The following LMX1A variants were observed in gnomAD, a reference collection of about 807,000 sequenced individuals.
LMX1A encodes LIM homeobox transcription factor 1-alpha.
In LMX1A, 15 loss-of-function variants were observed where a neutral mutation model predicts 49.1. That is an observed-to-expected ratio of 0.31 (90% CI 0.20 to 0.47). The LOEUF is 0.47. Ranked by LOEUF, LMX1A falls within the 20% of genes least tolerant of loss-of-function variation. The probability of loss-of-function intolerance (pLI) is 1.00; values close to 1 mark genes in which losing one functional copy is unlikely to be tolerated. For synonymous variants in LMX1A, 167 were observed against 185.7 expected (o/e 0.90, Z 0.82); for missense variants, 372 against 475.8 (o/e 0.78, Z 2.03).
At position 165,262,363 on chromosome 1, in the gene LMX1A, G is replaced by C. The variant is rs1161585405; in HGVS notation, c.264-12723C>G. ...GATAAAACAGCTATCTTGGAACTAA[G>C]AGAATGAAAGCTACCTGTTAAGAAT... On this transcript the variant is annotated intron_variant, in intron 3 of 8. Coordinates refer to ENST00000342310, the MANE Select transcript of LMX1A (RefSeq NM_177398.4). Among the ~76,000 whole-genome samples, 7 of 152,190 alleles carry C rather than the reference G, an allele frequency of 4.6e-5. No homozygotes were observed. In the East Asian group the frequency reaches 1.3e-3, roughly 29 times the overall value.
At chr1:165,220,755 T>G (rs892854196) in intron 4 of LMX1A, among the ~76,000 whole-genome samples, 1 of 152,106 alleles carries the variant, frequency 6.6e-6, no homozygotes, top group African/African-American at 2.4e-5. Context: ...TGTCTCCCAT[T>G]AATTACTAAT....
In LMX1A at chr1:165,243,267, T is replaced by TA. The variant is rs1293988857; in HGVS notation, c.496+6140dup. Among the ~76,000 whole-genome samples, 3 of 152,318 alleles carry TA rather than the reference T, an allele frequency of 2.0e-5. No homozygotes were observed. The East Asian group carries it at 5.8e-4, about 29-fold the overall frequency. ...GACACTCTCAGACGACTTCTGATTT[T>TA]AAAAGAAAATGTAAAGATAAGAGGG... On this transcript the variant is annotated intron_variant, in intron 4 of 8. Transcript: ENST00000342310.
At chr1:165,264,418 TCG>T (rs1017294948) in intron 3 of LMX1A, among the ~76,000 whole-genome samples, 7 of 146,950 alleles carry the variant, frequency 4.8e-5, no homozygotes, top group Admixed American at 3.4e-4. Flanking sequence ...ATGCATATGC[TCG>T]CACACACACA....
chr1:165,276,628 A>G (rs958333770), intron 3 of LMX1A, among the ~76,000 whole-genome samples: 5 of 151,840 alleles, frequency 3.3e-5, no homozygotes, highest in Admixed American at 3.3e-4. Context: ...AGACAGTGCT[A>G]TACTACATGA....
chr1:165,305,476 T>C (rs185374905), intron 3 of LMX1A, among the ~76,000 whole-genome samples: 1 of 152,128 alleles, frequency 6.6e-6, no homozygotes, highest in African/African-American at 2.4e-5. Flanking sequence ...AAGGACCCAG[T>C]AGGCCAAATA....
At chr1:165,272,606 G>A (rs1459767423) in intron 3 of LMX1A, among the ~76,000 whole-genome samples, 2 of 152,174 alleles carry the variant, frequency 1.3e-5, no homozygotes, top group Admixed American at 1.3e-4. Flanking sequence ...GGCTGTGGGG[G>A]CAGGGAGAGA....
In LMX1A at chr1:165,276,661, CAA is replaced by C. The variant is rs5778437; in HGVS notation, c.264-27023_264-27022del. The stretch of plus-strand genomic sequence containing the variant: ...TGATGCAGTGTTTGTAAAGAAAAGT[CAA>C]AAAAAAAAAAAATTAAGTGTGGCTG... On this transcript the variant is annotated intron_variant, in intron 3 of 8. Transcript: ENST00000342310. Among the ~76,000 whole-genome samples, 711 of 72,854 alleles carry C rather than the reference CAA, an allele frequency of 9.8e-3. 9 individuals are homozygous for C. The highest frequency in any genetic ancestry group is 0.042 in the African/African-American group (569 of 13,564). 47.8% of individuals were successfully genotyped at this position (72,854 alleles called of 152,430 possible).
chr1:165,253,929 G>A (rs965010412), intron 3 of LMX1A, among the ~76,000 whole-genome samples: 2 of 152,044 alleles, frequency 1.3e-5, no homozygotes, highest in African/African-American at 4.8e-5. Context: ...TCTCCCCTAT[G>A]CTGGATGCTG....
intron 4 of LMX1A, among the ~76,000 whole-genome samples, chr1:165,226,248 C>G (rs571981534): frequency 1.3e-5 from 2 of 152,288 alleles, no homozygotes; most frequent in South Asian, 2.1e-4. Context: ...AAGCAGGCAG[C>G]GAGCCCCTGA....
rs370894937 is a variant in LMX1A, at chr1:165,249,553, C to T, written c.351G>A (p.Leu117=). 6.2e-6 allele frequency: 10 copies of T among 1,614,050 alleles called. No homozygotes were observed. The highest frequency in any genetic ancestry group is 8.5e-6 in the Non-Finnish European group (10 of 1,180,020). The change falls in exon 4 of 9, where the codon CTG becomes CTA. Residue 117 remains leucine, a synonymous_variant. Transcript: ENST00000342310. Reference sequence around the variant, plus strand: ...CGCAGACACAGCAGCAGAAGCAGCTCAGGTGGTATACACTCTTCTGGGCCC... The same window carrying T: ...CGCAGACACAGCAGCAGAAGCAGCTTAGGTGGTATACACTCTTCTGGGCCC... ...VMRAQKSVYH[L]SCFCCCVCER...
At chr1:165,272,570 C>A (rs114704885) in intron 3 of LMX1A, among the ~76,000 whole-genome samples, 1 of 152,128 alleles carries the variant, frequency 6.6e-6, no homozygotes, top group African/African-American at 2.4e-5. Context: ...AGAACAATGA[C>A]CATAGTGGCG....
At chr1:165,314,655 T>G (rs951512652) in intron 3 of LMX1A, among the ~76,000 whole-genome samples, 4 of 152,276 alleles carry the variant, frequency 2.6e-5, no homozygotes, top group African/African-American at 9.6e-5. Flanking sequence ...CCCTTTTCTC[T>G]TTTTTTAGTC....
At chr1:165,209,613 A>G (rs1354597344) in intron 6 of LMX1A, among the ~76,000 whole-genome samples, 4 of 152,236 alleles carry the variant, frequency 2.6e-5, no homozygotes, top group African/African-American at 9.6e-5. Context: ...AGCTGAATAC[A>G]TGGAATTTCC....
chr1:165,316,016 G>A (rs554951982), intron 3 of LMX1A, among the ~76,000 whole-genome samples: 1 of 152,178 alleles, frequency 6.6e-6, no homozygotes, highest in Non-Finnish European at 1.5e-5. Context: ...CCTACTGGAC[G>A]TCTCTTATAA....
At chr1:165,331,860 TG>T (rs1307807207) in intron 3 of LMX1A, among the ~76,000 whole-genome samples, 1 of 152,072 alleles carries the variant, frequency 6.6e-6, no homozygotes, top group Non-Finnish European at 1.5e-5. Context: ...GAAGTTGCAG[TG>T]AGACAAAATT....
At chr1:165,293,657 T>C (rs1654540189) in intron 3 of LMX1A, among the ~76,000 whole-genome samples, 1 of 152,238 alleles carries the variant, frequency 6.6e-6, no homozygotes, top group Non-Finnish European at 1.5e-5. Context: ...AACAGATGTT[T>C]ATTTCTCACA....
chr1:165,330,376 T>C (rs1186524039), intron 3 of LMX1A, among the ~76,000 whole-genome samples: 1 of 152,222 alleles, frequency 6.6e-6, no homozygotes, highest in East Asian at 1.9e-4. Context: ...TGGGAGGCTG[T>C]GGCAGGATTG....
chr1:165,347,287 A>G (rs1362261928), intron 3 of LMX1A, among the ~76,000 whole-genome samples: 1 of 152,188 alleles, frequency 6.6e-6, no homozygotes, highest in African/African-American at 2.4e-5. Flanking sequence ...CCCCAAACCA[A>G]ATCTGAAAAG....
intron 3 of LMX1A, among the ~76,000 whole-genome samples, chr1:165,338,173 TAA>T (rs1284230451): frequency 6.6e-6 from 1 of 152,112 alleles, no homozygotes; most frequent in Non-Finnish European, 1.5e-5. Context: ...CACAATCTGG[TAA>T]AAGTCAGGAA....
Sources: gnomAD v4.1 joint callset for allele counts (sites outside exome capture counted in the v4.1 genomes callset) on GRCh38, gnomAD v4.1.1 for gene constraint, MANE v1.5 for transcripts, NCBI Gene and HGNC (gene_info 2026-07-23, HGNC 2026-07-21) for gene names.